Variants in DENND5A observed in about 807,000 individuals in gnomAD.
DENND5A encodes DENN domain-containing protein 5A.
DENND5A carries 64 observed loss-of-function variants against 140.3 expected under a neutral mutation model. That is an observed-to-expected ratio of 0.46 (90% CI 0.37 to 0.56). The LOEUF is 0.56. Ranked by LOEUF, DENND5A falls within the 20% of genes least tolerant of loss-of-function variation. The pLI, the probability that DENND5A is intolerant of heterozygous loss-of-function variation, is 0.00. For synonymous variants in DENND5A, 605 were observed against 607.7 expected, an observed-to-expected ratio of 1.00 and a Z score of 0.07; for missense variants, 1,292 against 1,593.8, an observed-to-expected ratio of 0.81 and a Z score of 3.22.
At chr11:9,169,063 G>A (rs1848280266) in intron 10 of DENND5A, among the ~76,000 whole-genome samples, 2 of 151,770 alleles carry the variant, frequency 1.3e-5, no homozygotes, top group African/African-American at 2.4e-5. Context: ...CTCTCCTTTA[G>A]TCTTTTAAAG....
At chr11:9,199,747 C>T (rs1849463223) in intron 4 of DENND5A, among the ~76,000 whole-genome samples, 2 of 152,166 alleles carry the variant, frequency 1.3e-5, no homozygotes, top group South Asian at 4.1e-4. Flanking sequence ...GGACATGCAG[C>T]AGGCAAAATC....
intron 1 of DENND5A, among the ~76,000 whole-genome samples, chr11:9,252,830 C>T (rs1047552223): frequency 6.6e-6 from 1 of 150,998 alleles, no homozygotes; most frequent in African/African-American, 2.4e-5. Context: ...GACAGTAATT[C>T]AAAGCCAGGG....
intron 5 of DENND5A, among the ~76,000 whole-genome samples, chr11:9,187,930 G>A (rs570300919): frequency 7.2e-5 from 11 of 152,276 alleles, no homozygotes; most frequent in South Asian, 6.2e-4. Flanking sequence ...GCTAGGAAAT[G>A]TACACTCTCT....
In DENND5A at chr11:9,147,094, G is replaced by C. The variant is rs1255492535; in HGVS notation, c.2793C>G (p.Leu931=). ...LRCDDEKEQF[L]YHLLSFNAVD... ...CGGCATTGAAAGACAGGAGGTGATA[G>C]AGGAACTGCTCCTTCTCGTCATCAC... Residue 931 remains leucine (L), a synonymous_variant, in exon 16 of 23, where the codon CTC becomes CTG. Coordinates refer to ENST00000328194, the MANE Select transcript of DENND5A (RefSeq NM_015213.4). 6.2e-7 allele frequency: 1 copy of C among 1,614,096 alleles called. No individual in the cohort carries two copies.
At chr11:9,170,375 AC>A in intron 9 of DENND5A, 7 of 794,954 alleles carry the variant, frequency 8.8e-6, no homozygotes, top group Non-Finnish European at 1.1e-5. Context: ...GATGATTTTA[AC>A]CCATCTGCAG....
intron 5 of DENND5A, among the ~76,000 whole-genome samples, chr11:9,192,900 G>A (rs1849187264): frequency 6.6e-6 from 1 of 152,194 alleles, no homozygotes; most frequent in Non-Finnish European, 1.5e-5. Flanking sequence ...ATCTACTTTA[G>A]AATGGAATAG....
intron 1 of DENND5A, among the ~76,000 whole-genome samples, chr11:9,255,408 G>A (rs1851903746): frequency 6.6e-6 from 1 of 152,012 alleles, no homozygotes; most frequent in Non-Finnish European, 1.5e-5. Flanking sequence ...GGGCAAGATG[G>A]TGAGACCTCG....
At chr11:9,196,227 A>T (rs1354830642) in intron 4 of DENND5A, among the ~76,000 whole-genome samples, 2 of 152,152 alleles carry the variant, frequency 1.3e-5, no homozygotes, top group Non-Finnish European at 2.9e-5. Flanking sequence ...TGCTGGGATT[A>T]CAGGTGTGAG....
At chr11:9,209,302 T>A (rs1464111315) in intron 1 of DENND5A, among the ~76,000 whole-genome samples, 1 of 152,140 alleles carries the variant, frequency 6.6e-6, no homozygotes, top group African/African-American at 2.4e-5. Context: ...CCCTAAGACA[T>A]GACATGCATG....
At chr11:9,162,233 CTTT>C (rs1221675349) in intron 11 of DENND5A, among the ~76,000 whole-genome samples, 2 of 97,326 alleles carry the variant, frequency 2.1e-5, no homozygotes, top group Non-Finnish European at 4.0e-5. Flanking sequence ...CCAGTTCCTT[CTTT>C]TTTTTTTTTT....
At chr11:9,174,746 A>G (rs1590233822) in intron 8 of DENND5A, among the ~76,000 whole-genome samples, 1 of 151,316 alleles carries the variant, frequency 6.6e-6, no homozygotes, top group Non-Finnish European at 1.5e-5. Context: ...CCATATTAAC[A>G]AACTAAAGCT....
In DENND5A at chr11:9,171,078, C is replaced by A. The variant is rs562597033; in HGVS notation, c.1907-301G>T. The A allele has an allele frequency of 3.7e-5, 12 of 323,816 alleles. No individual in the cohort carries two copies. The South Asian group carries it at 4.5e-4, about 12-fold the overall frequency. The allele number at this position is 323,816 out of a possible 1,614,324, so 20.1% of individuals were successfully genotyped here. On this transcript the variant is annotated intron_variant, in intron 8 of 22. Coordinates refer to ENST00000328194, the MANE Select transcript of DENND5A (RefSeq NM_015213.4). ...TAGAGAAAGCTTCCAGGCTGTGGCA[C>A]AGGGAGGGGAGTTCTAGGCAGAGAC...
intron 17 of DENND5A, chr11:9,145,449 C>A: frequency 1.6e-6 from 1 of 607,354 alleles, no homozygotes; most frequent in Non-Finnish European, 2.9e-6. Flanking sequence ...ATGTGCATGT[C>A]CAGACAAGTA....
chr11:9,227,299 ACATT>A (rs1850573210), intron 1 of DENND5A, among the ~76,000 whole-genome samples: 1 of 152,218 alleles, frequency 6.6e-6, no homozygotes, highest in African/African-American at 2.4e-5. Flanking sequence ...CCGTTTTGCT[ACATT>A]ATTACATTAC....
chr11:9,225,395 G>A lies in DENND5A; in HGVS notation c.110-17763C>T, dbSNP rs542770308. On this transcript the variant is annotated intron_variant, in intron 1 of 22. Transcript: ENST00000328194. ...TCACAGTATTCCCCGTTCTATCCAT[G>A]TACTCACCTGAATGAACACATGGTT... Among the ~76,000 whole-genome samples the A allele has an allele frequency of 3.9e-5, 6 of 152,226 alleles. No individual in the cohort carries two copies. The South Asian group carries it at 1.2e-3, about 32-fold the overall frequency.
intron 20 of DENND5A, 45 bp from the exon 21 acceptor site, chr11:9,142,890 G>A (rs74643810): frequency 0.084 from 134,095 of 1,605,914 alleles, 6,246 homozygotes; most frequent in South Asian, 0.11. Context: ...TCTCAGCCGA[G>A]CTGCCCTCCC....
chr11:9,257,626 T>C (rs1349592659), intron 1 of DENND5A, among the ~76,000 whole-genome samples: 3 of 150,186 alleles, frequency 2.0e-5, no homozygotes, highest in Non-Finnish European at 3.0e-5. Flanking sequence ...GGACTACAGG[T>C]GCCCGCCATC....
intron 22 of DENND5A, among the ~76,000 whole-genome samples, chr11:9,141,197 T>G (rs757149364): frequency 2.0e-5 from 3 of 152,178 alleles, no homozygotes; most frequent in Non-Finnish European, 4.4e-5. Flanking sequence ...CCTACCAACT[T>G]CCATAAGGCC....
At chr11:9,159,666 T>C (rs1847917759) in intron 12 of DENND5A, among the ~76,000 whole-genome samples, 1 of 152,200 alleles carries the variant, frequency 6.6e-6, no homozygotes, top group Admixed American at 6.5e-5. Context: ...ATGTTTTCAC[T>C]TATCTTGAGT....
Sources: gnomAD v4.1 joint callset for allele counts (sites outside exome capture counted in the v4.1 genomes callset) on GRCh38, gnomAD v4.1.1 for gene constraint, MANE v1.5 for transcripts, NCBI Gene and HGNC (gene_info 2026-07-23, HGNC 2026-07-21) for gene names.